Variants in TNKS observed in about 807,000 individuals in gnomAD.
TNKS encodes tankyrase, also known as poly [ADP-ribose] polymerase tankyrase-1.
In TNKS, 72 loss-of-function variants were observed where a neutral mutation model predicts 135.8. That is an observed-to-expected ratio of 0.53 (90% confidence interval 0.44 to 0.64). The LOEUF (loss-of-function observed/expected upper bound fraction) is 0.64, where lower values mean the gene tolerates loss of function less well. TNKS is among the 30% of genes least tolerant of loss of function. The probability of loss-of-function intolerance (pLI) is 0.00; values close to 1 mark genes in which losing one functional copy is unlikely to be tolerated. For missense variants in TNKS, 1,769 were observed against 1,674.0 expected (o/e 1.06, Z -0.99); for synonymous variants, 849 against 649.3 (o/e 1.31, Z -4.68).
chr8:9,706,390 GT>G, intron 7 of TNKS, 137 bp downstream of exon 7: 3 of 657,174 alleles, frequency 4.6e-6, no homozygotes, highest in Non-Finnish European at 7.4e-6. Flanking sequence ...TTGAGACAGG[GT>G]CTTGCCCTGT....
chr8:9,755,547 T>A (rs970325354), intron 20 of TNKS, among the ~76,000 whole-genome samples: 1 of 152,250 alleles, frequency 6.6e-6, no homozygotes, highest in African/African-American at 2.4e-5. Flanking sequence ...TATCTAGCCT[T>A]CCATTATAAA....
intron 2 of TNKS, among the ~76,000 whole-genome samples, chr8:9,586,568 G>C (rs1798384672): frequency 6.6e-6 from 1 of 151,994 alleles, no homozygotes; most frequent in Admixed American, 6.6e-5. Flanking sequence ...ACCTTAGCTT[G>C]TGATTATTCA....
intron 3 of TNKS, among the ~76,000 whole-genome samples, chr8:9,657,198 C>T (rs1156582670): frequency 4.4e-5 from 6 of 137,680 alleles, no homozygotes; most frequent in East Asian, 2.2e-4. Flanking sequence ...TAGGGGCGGC[C>T]GGGCAGAGGT....
At chr8:9,569,962 G>A (rs1797695751) in intron 1 of TNKS, among the ~76,000 whole-genome samples, 1 of 150,758 alleles carries the variant, frequency 6.6e-6, no homozygotes, top group South Asian at 2.1e-4. Flanking sequence ...TTTTTTGTTT[G>A]TTTTCTTCTA....
At position 9,781,868 on chromosome 8, in the gene TNKS, CCTT is replaced by C. The variant is rs1230909759; in HGVS notation, c.*5133_*5135del. On this transcript the variant is annotated 3_prime_UTR_variant, in exon 27 of 27. Transcript: ENST00000310430. ...AGTGGCAGGGGTTACAACCCCCTCT[CCTT>C]TCTTTTTTGTATTTATCTATTTGTA... 8 of 152,486 alleles carry C rather than the reference CCTT, an allele frequency of 5.2e-5. No homozygotes were observed. Among genetic ancestry groups the C allele is most frequent in the African/African-American group, 1.9e-4 (8 of 41,418 alleles). The allele number at this position is 152,486 out of a possible 1,614,324, so 9.4% of individuals were successfully genotyped here.
In TNKS at chr8:9,776,682, C is replaced by T; in HGVS notation, c.3930C>T (p.Ile1310=). ...CAGAGTATCTTATCACTTACCAGATCATGAAGCCAGAAGCCCCTTCCCAGA... is the reference window on the plus strand; with the variant it reads ...CAGAGTATCTTATCACTTACCAGATTATGAAGCCAGAAGCCCCTTCCCAGA... ...AYPEYLITYQ[I]MKPEAPSQTA... The change falls in exon 27 of 27, where the codon ATC becomes ATT. Residue 1310 remains isoleucine (I), a synonymous_variant. Coordinates refer to ENST00000310430, the MANE Select transcript of TNKS (RefSeq NM_003747.3). The T allele has an allele frequency of 1.2e-6, 2 of 1,614,052 alleles. No homozygotes were observed. The highest frequency in any genetic ancestry group is 2.2e-5 in the South Asian group (2 of 91,082).
intron 17 of TNKS, among the ~76,000 whole-genome samples, chr8:9,747,137 C>G (rs1585410267): frequency 6.6e-6 from 1 of 152,088 alleles, no homozygotes; most frequent in Non-Finnish European, 1.5e-5. Context: ...CCCACCTCAG[C>G]CTCCCAAAGT....
intron 3 of TNKS, among the ~76,000 whole-genome samples, chr8:9,657,399 A>T (rs1171276101): frequency 3.0e-5 from 2 of 66,274 alleles, no homozygotes; most frequent in South Asian, 7.8e-4. Context: ...CTCACCTCCC[A>T]GACGGGGCGG....
At chr8:9,676,120 C>T (rs1802523709) in intron 3 of TNKS, among the ~76,000 whole-genome samples, 1 of 149,798 alleles carries the variant, frequency 6.7e-6, no homozygotes, top group Admixed American at 6.7e-5. Context: ...TCAAGAGATT[C>T]TCCTGCCTCA....
intron 1 of TNKS, 78 bp from the exon 2 acceptor site, chr8:9,580,081 G>A: frequency 8.1e-7 from 1 of 1,227,694 alleles, no homozygotes. Flanking sequence ...CATACTTGTT[G>A]ATATTGTTAC....
At chr8:9,689,337 A>G (rs958453689) in intron 5 of TNKS, among the ~76,000 whole-genome samples, 3 of 152,192 alleles carry the variant, frequency 2.0e-5, no homozygotes, top group African/African-American at 7.2e-5. Context: ...AATTTAAAGA[A>G]ATGTTTTTCT....
intron 2 of TNKS, among the ~76,000 whole-genome samples, chr8:9,582,633 C>T (rs897003942): frequency 5.9e-5 from 9 of 152,290 alleles, no homozygotes; most frequent in South Asian, 2.1e-4. Context: ...CTTTCTTGGC[C>T]TCTGTCTTTC....
chr8:9,631,627 A>T (rs747725509), intron 3 of TNKS, among the ~76,000 whole-genome samples: 7 of 152,196 alleles, frequency 4.6e-5, no homozygotes, highest in Non-Finnish European at 8.8e-5. Flanking sequence ...TCTAGTCTAC[A>T]GAATTTTAAG....
At chr8:9,605,314 C>A (rs1043583961) in intron 2 of TNKS, among the ~76,000 whole-genome samples, 1 of 151,976 alleles carries the variant, frequency 6.6e-6, no homozygotes, top group Non-Finnish European at 1.5e-5. Context: ...GAGATTTCAT[C>A]CCTGTTGTAT....
At chr8:9,680,942 C>T in intron 5 of TNKS, 142 bp downstream of exon 5, 1 of 553,478 alleles carries the variant, frequency 1.8e-6, no homozygotes, top group Non-Finnish European at 3.2e-6. Flanking sequence ...GCTACTATAT[C>T]TGTTATTGGC....
At chr8:9,746,871 C>T (rs981480320) in intron 17 of TNKS, among the ~76,000 whole-genome samples, 2 of 137,012 alleles carry the variant, frequency 1.5e-5, no homozygotes, top group African/African-American at 3.1e-5. Context: ...GAGTTTCATA[C>T]CTACTTAAAC....
chr8:9,658,772 TA>T (rs1242605164), intron 3 of TNKS, among the ~76,000 whole-genome samples: 1 of 152,198 alleles, frequency 6.6e-6, no homozygotes, highest in Non-Finnish European at 1.5e-5. Context: ...ATGCTCCAAT[TA>T]AAAGACACAG....
At chr8:9,674,726 T>G (rs1288048340) in intron 3 of TNKS, among the ~76,000 whole-genome samples, 1 of 152,204 alleles carries the variant, frequency 6.6e-6, no homozygotes, top group Non-Finnish European at 1.5e-5. Context: ...ATGTTGGTAC[T>G]AAGCAGAGTG....
At chr8:9,572,681 C>T (rs1797800499) in intron 1 of TNKS, among the ~76,000 whole-genome samples, 2 of 152,202 alleles carry the variant, frequency 1.3e-5, no homozygotes, top group Admixed American at 1.3e-4. Flanking sequence ...TGAGATGGGG[C>T]TGCTGTGCTA....
Sources: gnomAD v4.1 joint callset for allele counts (sites outside exome capture counted in the v4.1 genomes callset) on GRCh38, gnomAD v4.1.1 for gene constraint, MANE v1.5 for transcripts, NCBI Gene and HGNC (gene_info 2026-07-23, HGNC 2026-07-21) for gene names.